DBNDD1: variants seen among roughly 807,000 people sequenced by gnomAD.
The protein encoded by DBNDD1 is dysbindin domain containing 1, also known as dysbindin domain-containing protein 1.
In DBNDD1, 14 loss-of-function variants were observed where a neutral mutation model predicts 17.0. The observed-to-expected ratio is 0.82, with a 90% CI of 0.54 to 1.29. DBNDD1 has a LOEUF of 1.29. Ranked by LOEUF, DBNDD1 falls within the 50% of genes most tolerant of loss-of-function variation. The probability of loss-of-function intolerance (pLI) is 0.00; values close to 1 mark genes in which losing one functional copy is unlikely to be tolerated. For synonymous variants in DBNDD1, 105 were observed against 102.0 expected (o/e 1.03, Z -0.18); for missense variants, 221 against 216.2 (o/e 1.02, Z -0.14).
At position 90,006,435 on chromosome 16, in the gene DBNDD1, C is replaced by G; in HGVS notation, c.377G>C (p.Arg126Thr). 2 of 1,602,810 alleles carry G rather than the reference C, an allele frequency of 1.2e-6. No homozygotes were observed. The highest frequency in any genetic ancestry group is 1.7e-6 in the Non-Finnish European group (2 of 1,179,812). Reference protein sequence around the residue: ...YLRSPSWTRTRAEQSHEKQPL... With the variant: ...YLRSPSWTRTTAEQSHEKQPL... ...CTGCTTCTCGTGGCTCTGCTCAGCC[C>G]TTGTCCTCGTCCAGGAAGGGGAGCG... Residue 126 changes from arginine to threonine, a missense_variant, in exon 4 of 4, where the codon AGG (arginine) becomes ACG (threonine). Arg to Thr is a moderately conservative substitution (Grantham distance 71). Coordinates refer to ENST00000002501, the MANE Select transcript of DBNDD1 (RefSeq NM_001042610.3).
At chr16:90,014,887 C>T (rs956342577) in intron 1 of DBNDD1, among the ~76,000 whole-genome samples, 8 of 152,080 alleles carry the variant, frequency 5.3e-5, no homozygotes, top group Middle Eastern at 3.4e-3. Flanking sequence ...TGCCTGTAGT[C>T]CCAGCTACTC....
At position 90,008,753 on chromosome 16, in the gene DBNDD1, C is replaced by T. The variant is rs372098025; in HGVS notation, c.319+31G>A. The T allele has an allele frequency of 1.1e-4, 180 of 1,579,168 alleles. 1 individual carries two copies. The highest frequency in any genetic ancestry group is 1.0e-4 in the Admixed American group (6 of 59,232). On this transcript the variant is annotated intron_variant, in intron 3 of 3. Transcript: ENST00000002501. ...AAGGGGCCTCAGCCCACCAGGCACA[C>T]CTCCCAGCCCAGCCCTGATGCCGGC...
intron 1 of DBNDD1, 176 bp from the exon 2 acceptor site, chr16:90,009,606 G>A: frequency 1.1e-6 from 1 of 946,554 alleles, no homozygotes; most frequent in Non-Finnish European, 1.6e-6. Context: ...ACAAGGGGTT[G>A]AGGGGCTTCA....
Position 90,009,450 on chromosome 16 carries a change from G to A in DBNDD1, c.32-20C>T, listed in dbSNP as rs763208508. ...CGATCTCTGCATCCAAAGACACAGTGTCACCTTGAGATCCACAGGGCTCCC... is the reference window on the plus strand; with the variant it reads ...CGATCTCTGCATCCAAAGACACAGTATCACCTTGAGATCCACAGGGCTCCC... On this transcript the variant is annotated intron_variant, in intron 1 of 3. Coordinates refer to ENST00000002501, the MANE Select transcript of DBNDD1 (RefSeq NM_001042610.3). The A allele has an allele frequency of 6.2e-7, 1 of 1,607,176 alleles. No homozygotes were observed. The highest frequency in any genetic ancestry group is 2.2e-5 in the East Asian group (1 of 44,872).
intron 2 of DBNDD1, 65 bp from the exon 3 acceptor site, chr16:90,008,989 G>A (rs756374861): frequency 2.7e-6 from 4 of 1,477,700 alleles, no homozygotes; most frequent in African/African-American, 2.8e-5. Context: ...AGCCCCGGGG[G>A]TCTAGGAGAG....
In DBNDD1 at chr16:90,008,791, G is replaced by T. The variant is rs747107300; in HGVS notation, c.312C>A (p.Ser104=). The T allele has an allele frequency of 6.3e-7, 1 of 1,596,324 alleles. No homozygotes were observed. Residue 104 remains serine, a synonymous_variant, in exon 3 of 4, where the codon TCC becomes TCA. Coordinates refer to ENST00000002501, the MANE Select transcript of DBNDD1 (RefSeq NM_001042610.3). The part of the protein sequence containing the change: ...DSDDENLNTE[S]PAGLHPLPRA... ...CCCTGATGCCGGCCTCACCTGCTGG[G>T]GACTCGGTGTTGAGGTTCTCGTCGT...
chr16:90,018,500 T>C (rs2035688218), intron 1 of DBNDD1, among the ~76,000 whole-genome samples: 1 of 152,128 alleles, frequency 6.6e-6, no homozygotes, highest in East Asian at 1.9e-4. Flanking sequence ...GAATGGGAGC[T>C]CTAGGAAACC....
intron 3 of DBNDD1, 79 bp from the exon 4 acceptor site, chr16:90,006,571 C>A: frequency 6.6e-7 from 1 of 1,511,912 alleles, no homozygotes; most frequent in South Asian, 1.2e-5. Flanking sequence ...TGCCGCCGGC[C>A]TCCTGCGCCA....
intron 1 of DBNDD1, chr16:90,010,040 T>C: frequency 6.2e-7 from 1 of 1,614,120 alleles, no homozygotes; most frequent in Non-Finnish European, 8.5e-7. Context: ...CTTCCAGGTT[T>C]CTCCCATGTT....
At chr16:90,006,527 TGA>T (rs779257394) in intron 3 of DBNDD1, 35 bp from the exon 4 acceptor site, 2 of 1,588,466 alleles carry the variant, frequency 1.3e-6, no homozygotes, top group Admixed American at 3.4e-5. Context: ...TCGGTGTGGC[TGA>T]GAGGCCTGGG....
At chr16:90,016,932 T>C (rs2035650843) in intron 1 of DBNDD1, among the ~76,000 whole-genome samples, 1 of 152,180 alleles carries the variant, frequency 6.6e-6, no homozygotes. Flanking sequence ...CCCCAGCACC[T>C]TCCTCTCTGG....
At position 90,008,853 on chromosome 16, in the gene DBNDD1, A is replaced by C. The variant is rs771417801; in HGVS notation, c.250T>G (p.Ser84Ala). Residue 84 changes from serine (S) to alanine (A), a missense_variant, in exon 3 of 4, where the codon TCG becomes GCG. Coordinates refer to ENST00000002501, the MANE Select transcript of DBNDD1 (RefSeq NM_001042610.3). ...LLDLTELTDM[S>A]DQELAEVFAD... is the part of the protein sequence containing the mutation. ...AAGACCTCGGCCAGCTCCTGGTCCG[A>C]CATGTCGGTGAGCTCAGTGAGGTCC... 1 of 1,603,628 alleles carries C rather than the reference A, an allele frequency of 6.2e-7. No homozygotes were observed. Among genetic ancestry groups the C allele is most frequent in the Non-Finnish European group, 8.5e-7 (1 of 1,173,546 alleles).
At chr16:90,015,361 G>C (rs1288285030) in intron 1 of DBNDD1, among the ~76,000 whole-genome samples, 1 of 152,176 alleles carries the variant, frequency 6.6e-6, no homozygotes, top group African/African-American at 2.4e-5. Context: ...CATGCTCGTG[G>C]GTCCTCAAAT....
intron 2 of DBNDD1, 153 bp downstream of exon 2, chr16:90,009,131 G>T (rs1359159081): frequency 1.6e-6 from 2 of 1,283,216 alleles, no homozygotes; most frequent in Non-Finnish European, 2.1e-6. Context: ...TGCAGCTGAG[G>T]CTCAGAGAAC....
chr16:90,006,504 C>G lies in DBNDD1; in HGVS notation c.320-12G>C, dbSNP rs754570331. 3.1e-6 allele frequency: 5 copies of G among 1,593,586 alleles called. No homozygotes were observed. The highest frequency in any genetic ancestry group is 4.2e-6 in the Non-Finnish European group (5 of 1,176,744). ...CAGCGGGTGCAGACCTAGGGGCATG[C>G]GGGAAGGGGAACTCGGTGTGGCTGA... On this transcript the variant is annotated splice_polypyrimidine_tract_variant and intron_variant, in intron 3 of 3. Coordinates refer to ENST00000002501, the MANE Select transcript of DBNDD1 (RefSeq NM_001042610.3).
At chr16:90,011,975 C>A (rs1440807941) in intron 1 of DBNDD1, among the ~76,000 whole-genome samples, 1 of 152,222 alleles carries the variant, frequency 6.6e-6, no homozygotes, top group African/African-American at 2.4e-5. Flanking sequence ...CAGTGTAGAC[C>A]AAAGCCCCAG....
rs574117219 is a variant in DBNDD1 at position 90,009,490 on chromosome 16, C to T, written c.32-60G>A. ...ACAGGGCTCCCACATCCCCCCAGGA[C>T]GCGGGGCTGGGTGTGAGGACTTGGC... On this transcript the variant is annotated intron_variant, in intron 1 of 3. Transcript: ENST00000002501. 43 of 1,594,972 alleles carry T rather than the reference C, an allele frequency of 2.7e-5. No individual in the cohort carries two copies. The East Asian group carries it at 3.6e-4, about 13-fold the overall frequency.
In DBNDD1 at chr16:90,019,265, CG is replaced by C. The variant is rs1194115179; in HGVS notation, c.31+45del. On this transcript the variant is annotated intron_variant, in intron 1 of 3. Coordinates refer to ENST00000002501, the MANE Select transcript of DBNDD1 (RefSeq NM_001042610.3). This position sits in a 1 kb window ranked among gnomAD's most constrained non-coding sequence, Gnocchi z 6.1. Reference sequence around the variant, plus strand: ...TGGGGGGAGGGGCTGCGGCTCGCTGCGGGGAAGCGCTGCGCGGGGGTCTCGG... The same window carrying C: ...TGGGGGGAGGGGCTGCGGCTCGCTGCGGGAAGCGCTGCGCGGGGGTCTCGG... 9.2e-7 allele frequency: 1 copy of C among 1,083,446 alleles called. No homozygotes were observed. Among genetic ancestry groups the C allele is most frequent in the Non-Finnish European group, 1.2e-6 (1 of 857,026 alleles). 67.1% of individuals were successfully genotyped at this position (1,083,446 alleles called of 1,614,324 possible).
In DBNDD1 at chr16:90,019,386, C is replaced by T. The variant is rs1334502200; in HGVS notation, c.-45G>A. 2 of 1,190,522 alleles carry T rather than the reference C, an allele frequency of 1.7e-6. No homozygotes were observed. The highest frequency in any genetic ancestry group is 4.2e-5 in the South Asian group (1 of 23,922). 73.7% of individuals were successfully genotyped at this position (1,190,522 alleles called of 1,614,324 possible). On this transcript the variant is annotated 5_prime_UTR_variant, in exon 1 of 4. Transcript: ENST00000002501. This position sits in a 1 kb window ranked among gnomAD's most constrained non-coding sequence, Gnocchi z 6.1. The stretch of plus-strand genomic sequence containing the variant: ...AGGGGCACGGGCGACGGCGGCGTCG[C>T]CTGGCCCGGGCGCCCCAACAGCTGC...
Sources: gnomAD v4.1 joint callset for allele counts (sites outside exome capture counted in the v4.1 genomes callset) on GRCh38, gnomAD v4.1.1 for gene constraint, Gnocchi (gnomAD v3.1) non-coding constraint, MANE v1.5 for transcripts, NCBI Gene and HGNC (gene_info 2026-07-23, HGNC 2026-07-21) for gene names.